TCF12: variants seen among roughly 807,000 people sequenced by gnomAD.
The protein encoded by TCF12 is DNA-binding protein HTF4.
In TCF12, 45 loss-of-function variants were observed where a neutral mutation model predicts 86.0. The observed-to-expected ratio is 0.52, with a 90% CI of 0.41 to 0.67. TCF12 has a LOEUF of 0.67. Among genes scored for constraint, TCF12 ranks in the 30% least tolerant of loss-of-function variants. TCF12 has a pLI of 0.00. For synonymous variants in TCF12, 330 were observed against 299.6 expected, an observed-to-expected ratio of 1.10 and a Z score of -1.05; for missense variants, 881 against 859.9, an observed-to-expected ratio of 1.02 and a Z score of -0.31.
chr15:57,011,280 ATAAG>A (rs1399365297), intron 3 of TCF12, among the ~76,000 whole-genome samples: 3 of 152,032 alleles, frequency 2.0e-5, no homozygotes, highest in Non-Finnish European at 4.4e-5. Flanking sequence ...CTGCTTGGTG[ATAAG>A]TAAGGTCTCA....
At chr15:57,107,408 G>A (rs2050205519) in intron 5 of TCF12, among the ~76,000 whole-genome samples, 1 of 152,180 alleles carries the variant, frequency 6.6e-6, no homozygotes, top group African/African-American at 2.4e-5. Flanking sequence ...AAAAAGATCA[G>A]TGGTTGCTAG....
At chr15:57,062,429 C>T (rs1418619079) in intron 3 of TCF12, among the ~76,000 whole-genome samples, 2 of 151,770 alleles carry the variant, frequency 1.3e-5, no homozygotes, top group Non-Finnish European at 2.9e-5. Context: ...ACTAGATACT[C>T]ATCTTTTGTA....
At chr15:57,059,332 C>G (rs757694928) in intron 3 of TCF12, among the ~76,000 whole-genome samples, 12 of 152,116 alleles carry the variant, frequency 7.9e-5, no homozygotes, top group Non-Finnish European at 1.3e-4. Flanking sequence ...TTTATGATAC[C>G]CTAGCAGTAT....
rs555347268 is a variant in TCF12 at position 57,045,118 on chromosome 15, C to T, written c.149-18632C>T. ...ACTCAGTGAAACAGTGCAGGGAGACCGTTTTGTGATGGTGATTATAGACAC... is the reference window on the plus strand; with the variant it reads ...ACTCAGTGAAACAGTGCAGGGAGACTGTTTTGTGATGGTGATTATAGACAC... On this transcript the variant is annotated intron_variant, in intron 3 of 20. Coordinates refer to ENST00000333725, the MANE Select transcript of TCF12 (RefSeq NM_207037.2). Among the ~76,000 whole-genome samples the T allele has an allele frequency of 1.8e-3, 279 of 152,152 alleles. 1 individual carries two copies. Among genetic ancestry groups the T allele is most frequent in the African/African-American group, 6.5e-3 (269 of 41,516 alleles).
At chr15:57,137,709 G>A (rs2052654080) in intron 5 of TCF12, among the ~76,000 whole-genome samples, 1 of 152,046 alleles carries the variant, frequency 6.6e-6, no homozygotes, top group Non-Finnish European at 1.5e-5. Flanking sequence ...TTATAATTCT[G>A]AGGTACTATG....
At chr15:56,970,835 A>C (rs756022248) in intron 3 of TCF12, among the ~76,000 whole-genome samples, 19 of 151,838 alleles carry the variant, frequency 1.3e-4, no homozygotes, top group Admixed American at 7.2e-4. Context: ...GAAATGCTTG[A>C]GCCCAGGAAT....
intron 6 of TCF12, among the ~76,000 whole-genome samples, chr15:57,173,412 A>T (rs2055670478): frequency 6.6e-6 from 1 of 152,160 alleles, no homozygotes; most frequent in Non-Finnish European, 1.5e-5. Context: ...ATAAGAGCAG[A>T]AATCAATGTA....
intron 12 of TCF12, among the ~76,000 whole-genome samples, chr15:57,242,146 T>A (rs2059661426): frequency 6.6e-6 from 1 of 152,192 alleles, no homozygotes; most frequent in Non-Finnish European, 1.5e-5. Flanking sequence ...GTAAATTGGG[T>A]CTCTTTAAAT....
intron 5 of TCF12, among the ~76,000 whole-genome samples, chr15:57,139,822 A>G (rs2052826021): frequency 6.6e-6 from 1 of 152,222 alleles, no homozygotes; most frequent in Non-Finnish European, 1.5e-5. Context: ...TTTAATTTCC[A>G]TAATCTCCCT....
At chr15:57,179,844 C>G (rs918818276) in intron 6 of TCF12, among the ~76,000 whole-genome samples, 4 of 151,882 alleles carry the variant, frequency 2.6e-5, no homozygotes, top group Admixed American at 6.6e-5. Context: ...TTCATAATGA[C>G]TTGGAACTAT....
chr15:57,170,675 A>AATAT (rs2055300422), intron 6 of TCF12, among the ~76,000 whole-genome samples: 4 of 9,470 alleles, frequency 4.2e-4, no homozygotes, highest in East Asian at 2.2e-3. Flanking sequence ...ATATATATAT[A>AATAT]ATATATTATA....
At chr15:56,955,919 A>T (rs1458572347) in intron 3 of TCF12, among the ~76,000 whole-genome samples, 2 of 151,688 alleles carry the variant, frequency 1.3e-5, no homozygotes, top group Non-Finnish European at 2.9e-5. Flanking sequence ...CTCTGTCTTT[A>T]AGTGCATTAA....
intron 3 of TCF12, among the ~76,000 whole-genome samples, chr15:56,923,583 G>C (rs867765510): frequency 5.9e-5 from 9 of 152,110 alleles, no homozygotes; most frequent in Non-Finnish European, 1.3e-4. Flanking sequence ...AATTAGGGCA[G>C]TGTATAGAAA....
At chr15:57,197,213 G>A (rs143228542) in intron 7 of TCF12, among the ~76,000 whole-genome samples, 4,137 of 132,456 alleles carry the variant, frequency 0.031, 163 homozygotes, top group African/African-American at 0.095. Context: ...CTGGAGTACA[G>A]TAGTGCCATC....
chr15:57,170,683 ATATATAATATAT>A (rs2055313276), intron 6 of TCF12, among the ~76,000 whole-genome samples: 1 of 17,252 alleles, frequency 5.8e-5, no homozygotes, highest in Admixed American at 8.4e-4. Context: ...ATAATATATT[ATATATAATATAT>A]ATTATATATA....
intron 19 of TCF12, among the ~76,000 whole-genome samples, chr15:57,275,070 A>G (rs1393561966): frequency 2.6e-5 from 4 of 152,106 alleles, no homozygotes; most frequent in Admixed American, 6.5e-5. Context: ...CTGAGAGAAG[A>G]TCTGTCATCT....
intron 8 of TCF12, among the ~76,000 whole-genome samples, chr15:57,218,857 A>G (rs185149298): frequency 6.6e-6 from 1 of 152,308 alleles, no homozygotes; most frequent in Non-Finnish European, 1.5e-5. Flanking sequence ...TTTCCTCAAC[A>G]TAATTTTTGT....
chr15:57,175,857 G>A (rs1176886716), intron 6 of TCF12, among the ~76,000 whole-genome samples: 1 of 152,168 alleles, frequency 6.6e-6, no homozygotes, highest in Non-Finnish European at 1.5e-5. Context: ...TAGAAATTAA[G>A]CATTCCAGAT....
intron 3 of TCF12, among the ~76,000 whole-genome samples, chr15:56,964,728 G>C (rs1207377832): frequency 1.3e-5 from 2 of 152,094 alleles, no homozygotes; most frequent in African/African-American, 4.8e-5. Context: ...TAAGTTTGTG[G>C]TCAGAATTTT....
Sources: allele counts gnomAD v4.1 joint callset (sites outside exome capture counted in the v4.1 genomes callset), GRCh38; gene constraint gnomAD v4.1.1; transcripts MANE v1.5; gene names NCBI Gene and HGNC (gene_info 2026-07-23, HGNC 2026-07-21).